Variants in SNX6 observed in about 807,000 individuals in gnomAD.
The protein encoded by SNX6 is sorting nexin 6.
In SNX6, 34 loss-of-function variants were observed where a neutral mutation model predicts 63.0. The observed-to-expected ratio is 0.54, with a 90% confidence interval of 0.41 to 0.72. SNX6 has a LOEUF of 0.72. Ranked by LOEUF, SNX6 falls within the 30% of genes least tolerant of loss-of-function variation. SNX6 has a pLI of 0.00. For missense variants in SNX6, 398 were observed against 471.4 expected, an observed-to-expected ratio of 0.84 and a Z score of 1.44; for synonymous variants, 170 against 164.2, an observed-to-expected ratio of 1.04 and a Z score of -0.27.
intron 4 of SNX6, among the ~76,000 whole-genome samples, chr14:34,607,345 C>T (rs563674054): frequency 6.6e-6 from 1 of 152,002 alleles, no homozygotes; most frequent in South Asian, 2.1e-4. Flanking sequence ...GCAGCTCATG[C>T]CTGTAATCCC....
At position 34,562,880 on chromosome 14, in the gene SNX6, G is replaced by T; in HGVS notation, c.*242C>A. The T allele has an allele frequency of 2.0e-6, 1 of 488,850 alleles. No individual in the cohort carries two copies. The highest frequency in any genetic ancestry group is 3.7e-6 in the Non-Finnish European group (1 of 273,608). 30.3% of individuals were successfully genotyped at this position (488,850 alleles called of 1,614,324 possible). A position where few individuals can be genotyped will look rare whatever the true frequency, so the allele number is the denominator to read the frequency against. On this transcript the variant is annotated 3_prime_UTR_variant, in exon 14 of 14. Coordinates refer to ENST00000362031, the MANE Select transcript of SNX6 (RefSeq NM_152233.4). ...AAAGAAGAATGAACTTTGGACTTCT[G>T]AGTATGACGAGTGCACGATGATGGA...
At position 34,567,232 on chromosome 14, in the gene SNX6, A is replaced by C. The variant is rs76198532; in HGVS notation, c.1167+454T>G. Among the ~76,000 whole-genome samples the C allele has an allele frequency of 1.4e-3, 219 of 151,858 alleles. 5 individuals are homozygous for C. In the East Asian group the frequency reaches 0.036, roughly 25 times the overall value. The stretch of plus-strand genomic sequence containing the variant: ...CCGGGTACGGTGGCTCGTGTCTGTA[A>C]TCTCAGCACTTTGGGAGGCTGAGGC... On this transcript the variant is annotated intron_variant, in intron 13 of 13. Transcript: ENST00000362031.
chr14:34,586,103 G>A lies in SNX6; in HGVS notation c.794+127C>T, dbSNP rs376854614. ...TTTTTAGTAGAGACGGGGTTTCACCGTGTTGGTCAGGCTGGTCTTGAACTC... is the reference window on the plus strand; with the variant it reads ...TTTTTAGTAGAGACGGGGTTTCACCATGTTGGTCAGGCTGGTCTTGAACTC... On this transcript the variant is annotated intron_variant, in intron 9 of 13. Coordinates refer to ENST00000362031, the MANE Select transcript of SNX6 (RefSeq NM_152233.4). The A allele has an allele frequency of 1.3e-3, 563 of 437,236 alleles. 2 individuals carry two copies. The highest frequency in any genetic ancestry group is 2.0e-3 in the African/African-American group (95 of 48,454). 27.1% of individuals were successfully genotyped at this position (437,236 alleles called of 1,614,324 possible).
In SNX6 at chr14:34,567,992, T is replaced by G; in HGVS notation, c.943A>C (p.Arg315=). 1 of 1,611,772 alleles carries G rather than the reference T, an allele frequency of 6.2e-7. No homozygotes were observed. The highest frequency in any genetic ancestry group is 8.5e-7 in the Non-Finnish European group (1 of 1,179,866). The change falls in exon 12 of 14, where the codon AGG becomes CGG. Residue 315 remains arginine (R), a synonymous_variant. Coordinates refer to ENST00000362031, the MANE Select transcript of SNX6 (RefSeq NM_152233.4). ...AAKDLLYRRS[R]SLVDYENANK... is the part of the protein sequence containing the mutation. ...GCATTTTCATAATCCACTAGTGACC[T>G]AGACCTTCGATACAGGAGATCCTAT...
Position 34,575,825 on chromosome 14 carries a change from C to A in SNX6, c.852G>T (p.Val284=), listed in dbSNP as rs779306036. ...FDKTRKIEAR[V]SADEDLKLSD... Reference sequence around the variant, plus strand: ...AAAGTTTGAGGTCTTCATCAGCAGACACTCGTGCTTCTATTTTCTGAAAAG... The same window carrying A: ...AAAGTTTGAGGTCTTCATCAGCAGAAACTCGTGCTTCTATTTTCTGAAAAG... Residue 284 remains valine, a synonymous_variant, in exon 11 of 14, where the codon GTG becomes GTT. Coordinates refer to ENST00000362031, the MANE Select transcript of SNX6 (RefSeq NM_152233.4). The A allele has an allele frequency of 1.9e-6, 3 of 1,587,810 alleles. No homozygotes were observed. The highest frequency in any genetic ancestry group is 2.3e-5 in the South Asian group (2 of 86,306).
chr14:34,617,033 G>C (rs1262723609), intron 2 of SNX6, among the ~76,000 whole-genome samples: 1 of 152,130 alleles, frequency 6.6e-6, no homozygotes, highest in African/African-American at 2.4e-5. Flanking sequence ...AGTGAGCCGA[G>C]ATCGCACCAC....
intron 2 of SNX6, among the ~76,000 whole-genome samples, chr14:34,617,457 T>C (rs947362021): frequency 3.3e-5 from 5 of 151,772 alleles, no homozygotes; most frequent in Non-Finnish European, 5.9e-5. Context: ...ATGGGTAACA[T>C]AGTGAGATCG....
chr14:34,611,347 A>C (rs1021965323), intron 2 of SNX6, among the ~76,000 whole-genome samples: 3 of 152,170 alleles, frequency 2.0e-5, no homozygotes, highest in Non-Finnish European at 4.4e-5. Context: ...CACATGTTGT[A>C]CACCTGTAGT....
intron 11 of SNX6, among the ~76,000 whole-genome samples, chr14:34,574,201 T>C (rs980409174): frequency 2.7e-5 from 4 of 150,360 alleles, no homozygotes; most frequent in Non-Finnish European, 5.9e-5. Flanking sequence ...CCAGGCGCGG[T>C]GGCGGGCACC....
chr14:34,616,458 C>T (rs1280473468), intron 2 of SNX6, among the ~76,000 whole-genome samples: 2 of 152,116 alleles, frequency 1.3e-5, no homozygotes, highest in East Asian at 1.9e-4. Context: ...TAACCTTGAA[C>T]TCCTGGGATC....
At chr14:34,623,020 G>A (rs1284491754) in intron 2 of SNX6, among the ~76,000 whole-genome samples, 1 of 152,000 alleles carries the variant, frequency 6.6e-6, no homozygotes, top group Non-Finnish European at 1.5e-5. Context: ...CTTTTACTTT[G>A]TACTCCCATA....
intron 8 of SNX6, among the ~76,000 whole-genome samples, chr14:34,588,111 C>T (rs1399860387): frequency 2.0e-5 from 3 of 151,386 alleles, no homozygotes; most frequent in African/African-American, 7.3e-5. Context: ...AGGTTCACAT[C>T]ATTCTCCTGC....
At chr14:34,586,551 T>TA (rs532840262) in intron 8 of SNX6, among the ~76,000 whole-genome samples, 106 of 151,020 alleles carry the variant, frequency 7.0e-4, no homozygotes, top group African/African-American at 1.5e-3. Context: ...CTATCAAAAA[T>TA]AAAAAAATCA....
rs752206306 is a variant in SNX6, at chr14:34,605,572, C to T, written c.392+24G>A. 4.2e-5 allele frequency: 60 copies of T among 1,432,972 alleles called. No homozygotes were observed. The South Asian group carries it at 6.4e-4, about 15-fold the overall frequency. The allele number at this position is 1,432,972 out of a possible 1,614,324, so 88.8% of individuals were successfully genotyped here. ...GGCAACAACAACCAAAAAAAAAAAA[C>T]AAAAAAATAAAAAAATCACTTACGC... On this transcript the variant is annotated intron_variant, in intron 5 of 13. Coordinates refer to ENST00000362031, the MANE Select transcript of SNX6 (RefSeq NM_152233.4).
chr14:34,596,393 G>A (rs555074675), intron 7 of SNX6, among the ~76,000 whole-genome samples: 33 of 151,792 alleles, frequency 2.2e-4, no homozygotes, highest in Non-Finnish European at 4.7e-4. Context: ...GGCCGAGGCA[G>A]ACAGATCACG....
intron 10 of SNX6, among the ~76,000 whole-genome samples, chr14:34,576,450 ATATTTT>A (rs150789758): frequency 0.46 from 37,116 of 80,386 alleles, 5,664 homozygotes; most frequent in Non-Finnish European, 0.57. Flanking sequence ...ATATATATAT[ATATTTT>A]TTTTTTTTTT....
At chr14:34,583,861 T>TTTTC (rs978118977) in intron 9 of SNX6, among the ~76,000 whole-genome samples, 2 of 151,764 alleles carry the variant, frequency 1.3e-5, no homozygotes, top group African/African-American at 4.8e-5. Context: ...TTTTTTTTTT[T>TTTTC]TTTAAGACGG....
intron 7 of SNX6, among the ~76,000 whole-genome samples, chr14:34,596,479 C>T (rs1338751446): frequency 1.5e-4 from 22 of 150,444 alleles, no homozygotes; most frequent in African/African-American, 5.1e-4. Context: ...ATTAGCCAGG[C>T]GTGGTGGCAT....
intron 8 of SNX6, among the ~76,000 whole-genome samples, chr14:34,592,389 A>C (rs531302079): frequency 6.7e-6 from 1 of 149,790 alleles, no homozygotes; most frequent in Admixed American, 6.7e-5. Flanking sequence ...TGTCTCAAAG[A>C]AAAAAAAAAG....
Sources: gnomAD v4.1 joint callset for allele counts (sites outside exome capture counted in the v4.1 genomes callset) on GRCh38, gnomAD v4.1.1 for gene constraint, MANE v1.5 for transcripts, NCBI Gene and HGNC (gene_info 2026-07-23, HGNC 2026-07-21) for gene names.